The following PTPRK variants were observed in gnomAD, a reference collection of about 807,000 sequenced individuals.
The protein encoded by PTPRK is receptor-type tyrosine-protein phosphatase kappa.
PTPRK carries 75 observed loss-of-function variants against 178.0 expected under a neutral mutation model. The observed-to-expected ratio is 0.42, with a 90% confidence interval of 0.35 to 0.51. The LOEUF is 0.51. Ranked by LOEUF, PTPRK falls within the 20% of genes least tolerant of loss-of-function variation. The probability of loss-of-function intolerance (pLI) is 0.02; values close to 1 mark genes in which losing one functional copy is unlikely to be tolerated. For missense variants in PTPRK, 1,441 were observed against 1,797.8 expected (o/e 0.80, Z 3.59); for synonymous variants, 637 against 620.6 (o/e 1.03, Z -0.39).
intron 2 of PTPRK, among the ~76,000 whole-genome samples, chr6:128,356,452 C>T (rs1232218485): frequency 6.6e-6 from 1 of 152,160 alleles, no homozygotes; most frequent in African/African-American, 2.4e-5. Flanking sequence ...ATCTATTAGG[C>T]ATTTTTCATT....
At chr6:128,140,616 A>G (rs1795643098) in intron 7 of PTPRK, among the ~76,000 whole-genome samples, 1 of 152,008 alleles carries the variant, frequency 6.6e-6, no homozygotes, top group Non-Finnish European at 1.5e-5. Flanking sequence ...TATTTGAACT[A>G]CTGGATTTAT....
At chr6:128,442,166 T>C (rs1347636146) in intron 1 of PTPRK, among the ~76,000 whole-genome samples, 1 of 152,234 alleles carries the variant, frequency 6.6e-6, no homozygotes. Flanking sequence ...AGTTTAAATA[T>C]GCAAAAGATA....
At chr6:128,201,860 C>G (rs1806021666) in intron 6 of PTPRK, among the ~76,000 whole-genome samples, 1 of 151,928 alleles carries the variant, frequency 6.6e-6, no homozygotes, top group Non-Finnish European at 1.5e-5. Context: ...GATAATGACC[C>G]CAGTAACACA....
chr6:128,316,757 G>A (rs181078315), intron 3 of PTPRK, among the ~76,000 whole-genome samples: 11 of 137,894 alleles, frequency 8.0e-5, no homozygotes, highest in African/African-American at 2.7e-4. Context: ...TCACGCTGTC[G>A]CCCAGGCTGG....
intron 7 of PTPRK, among the ~76,000 whole-genome samples, chr6:128,145,513 C>T (rs1033655587): frequency 6.6e-6 from 1 of 151,810 alleles, no homozygotes; most frequent in Non-Finnish European, 1.5e-5. Flanking sequence ...TAATTTATTT[C>T]AAAACTGAAT....
At chr6:128,108,109 C>T (rs974068984) in intron 7 of PTPRK, among the ~76,000 whole-genome samples, 1 of 148,480 alleles carries the variant, frequency 6.7e-6, no homozygotes, top group Non-Finnish European at 1.5e-5. Context: ...CACACACACA[C>T]ACACACACAA....
In PTPRK at chr6:128,135,854, A is replaced by G. The variant is rs142743364; in HGVS notation, c.1163-45862T>C. On this transcript the variant is annotated intron_variant, in intron 7 of 29. Transcript: ENST00000368226. ...ATAAAAAAAAATAAAAATAAAAATA[A>G]TAAAAAAAAACAAGAAAAGAATAGC... 4.4e-3 allele frequency among the ~76,000 whole-genome samples: 663 copies of G among 151,768 alleles called. 3 individuals carry two copies. Among genetic ancestry groups the G allele is most frequent in the Middle Eastern group, 0.01 (3 of 294 alleles).
chr6:128,373,956 A>T (rs1442893154), intron 2 of PTPRK, among the ~76,000 whole-genome samples: 1 of 152,196 alleles, frequency 6.6e-6, no homozygotes, highest in Non-Finnish European at 1.5e-5. Context: ...AAGGGTAAAA[A>T]GGCTTCAGAA....
At position 127,968,887 on chromosome 6, in the gene PTPRK, T is replaced by C. The variant is rs1347239223; in HGVS notation, c.*1340A>G. On this transcript the variant is annotated 3_prime_UTR_variant, in exon 30 of 30. Coordinates refer to ENST00000368226, the MANE Select transcript of PTPRK (RefSeq NM_002844.4). ...GAAAGAGGACACTGGAATGCTTTAG[T>C]CAATTACAAACTGCAAGCTGATGAT... 1 of 152,216 alleles carries C rather than the reference T, an allele frequency of 6.6e-6. No individual in the cohort carries two copies. The highest frequency in any genetic ancestry group is 1.5e-5 in the Non-Finnish European group (1 of 68,034). 9.4% of individuals were successfully genotyped at this position (152,216 alleles called of 1,614,324 possible). A position where few individuals can be genotyped will look rare whatever the true frequency, so the allele number is the denominator to read the frequency against.
intron 3 of PTPRK, among the ~76,000 whole-genome samples, chr6:128,275,200 C>T (rs1820525596): frequency 6.6e-6 from 1 of 151,936 alleles, no homozygotes; most frequent in Non-Finnish European, 1.5e-5. Flanking sequence ...ACTCACTTGA[C>T]CAAGCTTACA....
At chr6:128,387,545 T>A (rs1838919324) in intron 2 of PTPRK, among the ~76,000 whole-genome samples, 1 of 152,224 alleles carries the variant, frequency 6.6e-6, no homozygotes, top group African/African-American at 2.4e-5. Flanking sequence ...CTATAATCTT[T>A]TGAACCAGTC....
chr6:128,296,809 A>G (rs1824500157), intron 3 of PTPRK, among the ~76,000 whole-genome samples: 1 of 152,164 alleles, frequency 6.6e-6, no homozygotes, highest in Admixed American at 6.5e-5. Context: ...GGAAGAAACT[A>G]TATCAACTAA....
chr6:128,209,107 T>C (rs977123097), intron 6 of PTPRK, among the ~76,000 whole-genome samples: 3 of 151,864 alleles, frequency 2.0e-5, no homozygotes, highest in South Asian at 2.1e-4. Context: ...TTATCACTTA[T>C]CATCTCAAGT....
intron 2 of PTPRK, among the ~76,000 whole-genome samples, chr6:128,373,763 A>G (rs1836633989): frequency 6.6e-6 from 1 of 152,184 alleles, no homozygotes; most frequent in Admixed American, 6.5e-5. Context: ...CCATTGTGGT[A>G]GTGATCACTC....
intron 2 of PTPRK, among the ~76,000 whole-genome samples, chr6:128,372,082 G>A (rs1339702850): frequency 6.6e-6 from 1 of 152,110 alleles, no homozygotes; most frequent in Non-Finnish European, 1.5e-5. Context: ...CCATTATTTT[G>A]GTCCTTTCCA....
At chr6:127,993,415 T>C (rs1425867959) in intron 18 of PTPRK, among the ~76,000 whole-genome samples, 2 of 151,698 alleles carry the variant, frequency 1.3e-5, no homozygotes, top group Non-Finnish European at 3.0e-5. Flanking sequence ...GATTTTTAGT[T>C]GCTTTCAATT....
chr6:128,040,527 G>A (rs573996306), intron 13 of PTPRK, among the ~76,000 whole-genome samples: 1 of 152,074 alleles, frequency 6.6e-6, no homozygotes, highest in Admixed American at 6.6e-5. Context: ...GCAAAGCCAA[G>A]TGCTGTGAAC....
At chr6:128,184,335 A>G (rs1802412738) in intron 7 of PTPRK, 97 bp downstream of exon 7, 1 of 1,180,710 alleles carries the variant, frequency 8.5e-7, no homozygotes, top group South Asian at 1.5e-5. Flanking sequence ...TGACTATATC[A>G]TATATCAAAT....
intron 13 of PTPRK, among the ~76,000 whole-genome samples, chr6:128,033,803 G>A (rs1775757063): frequency 6.6e-6 from 1 of 152,048 alleles, no homozygotes; most frequent in South Asian, 2.1e-4. Context: ...CTTGGGCCCA[G>A]GTGGAAGCTG....
Sources: gnomAD v4.1 joint callset for allele counts (sites outside exome capture counted in the v4.1 genomes callset) on GRCh38, gnomAD v4.1.1 for gene constraint, MANE v1.5 for transcripts, NCBI Gene and HGNC (gene_info 2026-07-23, HGNC 2026-07-21) for gene names.